The following ZNF138 variants were observed in gnomAD, a reference collection of about 807,000 sequenced individuals.
ZNF138 encodes zinc finger protein 138 (clone pHZ-32).
In ZNF138, 33 loss-of-function variants were observed where a neutral mutation model predicts 33.0. That is an observed-to-expected ratio of 1.00 (90% CI 0.76 to 1.34). The LOEUF (loss-of-function observed/expected upper bound fraction) is 1.34. ZNF138 is among the 40% of genes most tolerant of loss of function. ZNF138 has a pLI of 0.00. For missense variants in ZNF138, 360 were observed against 370.8 expected (o/e 0.97, Z 0.24); for synonymous variants, 139 against 120.4 (o/e 1.15, Z -1.01).
chr7:64,852,113 A>C, the ZNF138 span, among the ~76,000 whole-genome samples: 3 of 152,248 alleles, frequency 2.0e-5, no homozygotes, highest in African/African-American at 7.2e-5. Flanking sequence ...CTATTCGGCA[A>C]AAGGTAAGTG....
At chr7:64,854,555 G>A in the ZNF138 span, among the ~76,000 whole-genome samples, 7 of 152,162 alleles carry the variant, frequency 4.6e-5, no homozygotes, top group Non-Finnish European at 8.8e-5. Context: ...TATAAATATT[G>A]CTTGAATGCA....
chr7:64,825,300 G>A (rs1789496106), intron 3 of ZNF138, among the ~76,000 whole-genome samples: 1 of 149,516 alleles, frequency 6.7e-6, no homozygotes. Context: ...AGCCTCCCAA[G>A]TAGCTGGGAC....
At chr7:64,838,210 A>G (rs4718134), downstream of ZNF138, among the ~76,000 whole-genome samples, 150,036 of 152,252 alleles carry the variant, frequency 0.99, 73,966 homozygotes, top group East Asian at 1. Context: ...TCGCCATCCG[A>G]GGAGGGGTCG....
chr7:64,806,336 A>G (rs1249627397), intron 1 of ZNF138, among the ~76,000 whole-genome samples: 4 of 152,194 alleles, frequency 2.6e-5, no homozygotes, highest in South Asian at 4.1e-4. Context: ...ACAGCAATCA[A>G]CCATTTTACC....
intron 1 of ZNF138, among the ~76,000 whole-genome samples, chr7:64,811,367 C>T (rs936976935): frequency 1.3e-5 from 2 of 152,128 alleles, no homozygotes; most frequent in African/African-American, 4.8e-5. Context: ...TTTCTTGAGA[C>T]AGAGTGTTGC....
chr7:64,848,704 ATTTT>A, the ZNF138 span, among the ~76,000 whole-genome samples: 3 of 102,612 alleles, frequency 2.9e-5, no homozygotes, highest in Admixed American at 1.4e-4. Context: ...ATTTTGGTGG[ATTTT>A]TTTTTTTTTT....
chr7:64,842,528 A>T, the ZNF138 span, among the ~76,000 whole-genome samples: 2 of 152,160 alleles, frequency 1.3e-5, no homozygotes, highest in Non-Finnish European at 1.5e-5. Context: ...GTCAGTGTAC[A>T]GTTTATATTC....
intron 3 of ZNF138, among the ~76,000 whole-genome samples, chr7:64,825,829 G>A (rs749637748): frequency 4.6e-5 from 7 of 151,692 alleles, no homozygotes; most frequent in East Asian, 3.9e-4. Context: ...GAGCCCCCGC[G>A]CCTGGCCATT....
chr7:64,815,194 T>C (rs1165141435), intron 2 of ZNF138, 150 bp downstream of exon 2: 2 of 902,308 alleles, frequency 2.2e-6, no homozygotes, highest in African/African-American at 1.7e-5. Flanking sequence ...TTTGTCAGTG[T>C]AGAAAACAAT....
the ZNF138 span, among the ~76,000 whole-genome samples, chr7:64,839,053 TGGC>T: frequency 6.6e-6 from 1 of 152,114 alleles, no homozygotes; most frequent in African/African-American, 2.4e-5. Flanking sequence ...CGAAAACACT[TGGC>T]GGCAGCGGTC....
the ZNF138 span, among the ~76,000 whole-genome samples, chr7:64,848,565 T>A: frequency 3.0e-4 from 45 of 152,118 alleles, no homozygotes; most frequent in African/African-American, 1.0e-3. Flanking sequence ...GTATTTTTTT[T>A]ATTTTCCTAA....
rs190630142 is a variant in ZNF138, at chr7:64,822,128, C to A, written c.208+6475C>A. Among the ~76,000 whole-genome samples, 237 of 151,116 alleles carry A rather than the reference C, an allele frequency of 1.6e-3. 7 individuals carry two copies. The highest frequency in any genetic ancestry group is 4.3e-3 in the African/African-American group (174 of 40,636). On this transcript the variant is annotated intron_variant, in intron 3 of 3. Transcript: ENST00000307355. ...TAGAGATGGGGTTTCACCGTGTTAG[C>A]CAAGATGGTCTCGATCTCCTGACCT...
intron 1 of ZNF138, among the ~76,000 whole-genome samples, chr7:64,811,204 A>T (rs1321555440): frequency 1.3e-5 from 2 of 152,352 alleles, no homozygotes; most frequent in South Asian, 2.1e-4. Flanking sequence ...GGAATTATTA[A>T]ACACTTAATA....
chr7:64,803,922 T>C (rs994488333), intron 1 of ZNF138, among the ~76,000 whole-genome samples: 8 of 152,196 alleles, frequency 5.3e-5, no homozygotes, highest in South Asian at 2.1e-4. Context: ...TTTCACTAAA[T>C]TGGAATGCTG....
intron 3 of ZNF138, among the ~76,000 whole-genome samples, chr7:64,817,622 T>C (rs1463260686): frequency 6.6e-6 from 1 of 152,210 alleles, no homozygotes; most frequent in Non-Finnish European, 1.5e-5. Context: ...TCATTACAGG[T>C]GTGAGCCATG....
At chr7:64,809,426 TG>T (rs370863874) in intron 1 of ZNF138, among the ~76,000 whole-genome samples, 2,030 of 2,040 alleles carry the variant, frequency 1, 1,011 homozygotes, top group East Asian at 1. Flanking sequence ...ACGGGGCAGC[TG>T]GGCCGGGTTG....
At chr7:64,838,271 G>C (rs1170200449), downstream of ZNF138, among the ~76,000 whole-genome samples, 1 of 152,218 alleles carries the variant, frequency 6.6e-6, no homozygotes, top group African/African-American at 2.4e-5. Flanking sequence ...CTGACTTCCA[G>C]TGCCCCATTT....
At chr7:64,809,500 C>A (rs1274938099) in intron 1 of ZNF138, among the ~76,000 whole-genome samples, 8 of 398 alleles carry the variant, frequency 0.02, no homozygotes, top group East Asian at 0.17. Context: ...GGCTGACCCC[C>A]CCCACCTCCC....
chr7:64,802,721 A>C (rs978508589), intron 1 of ZNF138, among the ~76,000 whole-genome samples: 5 of 152,186 alleles, frequency 3.3e-5, no homozygotes, highest in African/African-American at 4.8e-5. Context: ...AGATGGCTAC[A>C]AGAAGAAAAG....
Sources: gnomAD v4.1 joint callset for allele counts (sites outside exome capture counted in the v4.1 genomes callset) on GRCh38, gnomAD v4.1.1 for gene constraint, MANE v1.5 for transcripts, NCBI Gene and HGNC (gene_info 2026-07-23, HGNC 2026-07-21) for gene names.